PTPRM: variants seen among roughly 807,000 people sequenced by gnomAD.
The protein encoded by PTPRM is receptor-type tyrosine-protein phosphatase mu.
In PTPRM, 47 loss-of-function variants were observed where a neutral mutation model predicts 186.7. The ratio of observed to expected loss-of-function variants is 0.25; its 90% CI spans 0.20 to 0.32. PTPRM has a LOEUF of 0.32. Among genes scored for constraint, PTPRM ranks in the 10% least tolerant of loss-of-function variants. The pLI is 1.00. For missense variants in PTPRM, 1,494 were observed against 1,865.0 expected, an observed-to-expected ratio of 0.80 and a Z score of 3.66; for synonymous variants, 668 against 674.9, an observed-to-expected ratio of 0.99 and a Z score of 0.16.
chr18:7,636,536 A>C (rs1410552083), intron 1 of PTPRM, among the ~76,000 whole-genome samples: 1 of 152,130 alleles, frequency 6.6e-6, no homozygotes, highest in African/African-American at 2.4e-5. Flanking sequence ...ATGGCCCTCC[A>C]TTGGACAAGT....
intron 1 of PTPRM, among the ~76,000 whole-genome samples, chr18:7,583,989 T>C (rs1014934634): frequency 2.0e-5 from 3 of 152,196 alleles, no homozygotes; most frequent in African/African-American, 7.2e-5. Flanking sequence ...AGAAAACATG[T>C]AGATCTGTAT....
intron 7 of PTPRM, among the ~76,000 whole-genome samples, chr18:7,976,957 A>G (rs1171885444): frequency 6.6e-6 from 1 of 152,142 alleles, no homozygotes; most frequent in Non-Finnish European, 1.5e-5. Context: ...TAACAATAAA[A>G]AAGGTTGATT....
chr18:7,991,912 T>C (rs1165645857), intron 7 of PTPRM, among the ~76,000 whole-genome samples: 7 of 152,140 alleles, frequency 4.6e-5, no homozygotes, highest in Non-Finnish European at 7.4e-5. Flanking sequence ...TCTCAGGAGA[T>C]TAACAAAGTA....
intron 2 of PTPRM, among the ~76,000 whole-genome samples, chr18:7,835,841 G>GT (rs575439714): frequency 1.3e-5 from 2 of 150,714 alleles, no homozygotes; most frequent in African/African-American, 2.5e-5. Flanking sequence ...GTCTCTTAAA[G>GT]TTTTTTTTGT....
chr18:8,260,311 C>T (rs904071326), intron 19 of PTPRM, among the ~76,000 whole-genome samples: 1 of 152,070 alleles, frequency 6.6e-6, no homozygotes, highest in Non-Finnish European at 1.5e-5. Context: ...TACAGGCACG[C>T]ACCACCAAGC....
chr18:8,383,296 C>CAAAA (rs59442781), intron 29 of PTPRM, among the ~76,000 whole-genome samples: 558 of 30,462 alleles, frequency 0.018, 84 homozygotes, highest in African/African-American at 0.043. Flanking sequence ...GCTTCTGCCT[C>CAAAA]AAAAAAAAAA....
chr18:7,723,234 C>T (rs746698020), intron 1 of PTPRM, among the ~76,000 whole-genome samples: 6 of 152,162 alleles, frequency 3.9e-5, no homozygotes, highest in Non-Finnish European at 4.4e-5. Flanking sequence ...CCATTCCCAG[C>T]GCTGCTGGTA....
intron 19 of PTPRM, among the ~76,000 whole-genome samples, chr18:8,281,862 A>G (rs934758694): frequency 1.3e-5 from 2 of 152,140 alleles, no homozygotes; most frequent in East Asian, 1.9e-4. Flanking sequence ...TATCAAGTTT[A>G]AGTTATTTTT....
At chr18:7,777,965 G>A (rs923809953) in intron 2 of PTPRM, among the ~76,000 whole-genome samples, 21 of 152,118 alleles carry the variant, frequency 1.4e-4, no homozygotes, top group African/African-American at 5.1e-4. Context: ...CCTGGACAAC[G>A]TGGGAAGACC....
At chr18:8,343,117 T>C (rs639444) in intron 22 of PTPRM, among the ~76,000 whole-genome samples, 76,548 of 137,278 alleles carry the variant, frequency 0.56, 19,474 homozygotes, top group Non-Finnish European at 0.63. Flanking sequence ...TTGAGTACTA[T>C]GGAGATAATA....
intron 1 of PTPRM, among the ~76,000 whole-genome samples, chr18:7,757,060 G>C (rs1046504386): frequency 6.6e-6 from 1 of 152,076 alleles, no homozygotes; most frequent in African/African-American, 2.4e-5. Flanking sequence ...CGGGCCACCT[G>C]TCCTCTGTTA....
At chr18:7,634,316 C>A (rs1478957490) in intron 1 of PTPRM, among the ~76,000 whole-genome samples, 1 of 152,080 alleles carries the variant, frequency 6.6e-6, no homozygotes, top group Non-Finnish European at 1.5e-5. Context: ...TTGAGAAATG[C>A]AGACCTATAG....
intron 1 of PTPRM, among the ~76,000 whole-genome samples, chr18:7,657,299 G>C (rs2038873638): frequency 1.3e-5 from 2 of 152,174 alleles, no homozygotes; most frequent in African/African-American, 4.8e-5. Context: ...CAAGTGTGCT[G>C]TTGCCGTGGG....
At chr18:8,027,759 A>G (rs570259637) in intron 7 of PTPRM, among the ~76,000 whole-genome samples, 123 of 152,314 alleles carry the variant, frequency 8.1e-4, no homozygotes, top group African/African-American at 2.9e-3. Flanking sequence ...AATTTACTGC[A>G]GTTTTAGAAA....
chr18:8,113,406 T>A, intron 11 of PTPRM, 80 bp from the exon 12 acceptor site: 1 of 1,313,468 alleles, frequency 7.6e-7, no homozygotes. Flanking sequence ...TTGCGTGTCC[T>A]GTGGGTCCAT....
intron 14 of PTPRM, among the ~76,000 whole-genome samples, chr18:8,238,286 G>A (rs1481222209): frequency 6.6e-6 from 1 of 152,032 alleles, no homozygotes; most frequent in African/African-American, 2.4e-5. Flanking sequence ...CATTTTGTGT[G>A]TTTTTGTTTT....
At chr18:7,707,086 G>T (rs1398403327) in intron 1 of PTPRM, among the ~76,000 whole-genome samples, 2 of 152,056 alleles carry the variant, frequency 1.3e-5, no homozygotes, top group Non-Finnish European at 2.9e-5. Flanking sequence ...AGATAATGAA[G>T]GAGGTAGTTT....
In PTPRM at chr18:8,357,203, T is replaced by G. The variant is rs567067393; in HGVS notation, c.3054+13683T>G. Among the ~76,000 whole-genome samples the G allele has an allele frequency of 1.5e-4, 23 of 152,344 alleles. No homozygotes were observed. The East Asian group carries it at 3.7e-3, about 24-fold the overall frequency. On this transcript the variant is annotated intron_variant, in intron 23 of 32. Transcript: ENST00000580170. ...CTGCACTGTTTTCACATGAATTGTG[T>G]AGAGGATCTGGAATGGAATGTTGCC...
chr18:8,080,296 T>C (rs1205328843), intron 9 of PTPRM, among the ~76,000 whole-genome samples: 2 of 152,228 alleles, frequency 1.3e-5, no homozygotes, highest in Admixed American at 1.3e-4. Flanking sequence ...CATTGTATCC[T>C]ACTAACTTTA....
Sources: gnomAD v4.1 joint callset for allele counts (sites outside exome capture counted in the v4.1 genomes callset) on GRCh38, gnomAD v4.1.1 for gene constraint, MANE v1.5 for transcripts, NCBI Gene and HGNC (gene_info 2026-07-23, HGNC 2026-07-21) for gene names.